Variants in NUP62CL observed in about 807,000 individuals in gnomAD.
NUP62CL encodes nucleoporin-62 C-terminal-like protein.
NUP62CL carries 13 observed loss-of-function variants against 15.3 expected under a neutral mutation model. The ratio of observed to expected loss-of-function variants is 0.85; its 90% CI spans 0.55 to 1.35. NUP62CL has a LOEUF of 1.35. Among genes scored for constraint, NUP62CL ranks in the 40% most tolerant of loss-of-function variants. The probability of loss-of-function intolerance (pLI) is 0.00; values close to 1 mark genes in which losing one functional copy is unlikely to be tolerated. For missense variants in NUP62CL, 123 were observed against 130.6 expected (o/e 0.94, Z 0.28); for synonymous variants, 54 against 49.2 (o/e 1.10, Z -0.41).
At chrX:107,180,061 A>G (rs1206550564) in intron 2 of NUP62CL, among the ~76,000 whole-genome samples, 1 of 112,020 alleles carries the variant, frequency 8.9e-6, no homozygotes, top group Admixed American at 9.5e-5. Context: ...AAGGTGTTCA[A>G]CCTCATTTTT....
intron 8 of NUP62CL, among the ~76,000 whole-genome samples, chrX:107,135,173 C>T (rs1925612077): frequency 2.7e-5 from 3 of 112,268 alleles, no homozygotes; most frequent in African/African-American, 9.7e-5. Context: ...GTATCAGAAT[C>T]CCATAATTTA....
chrX:107,152,031 AATATATATATATATTCAGAT>A (rs1180330586), intron 7 of NUP62CL, among the ~76,000 whole-genome samples: 12 of 70,121 alleles, frequency 1.7e-4, no homozygotes, highest in African/African-American at 8.0e-4. Flanking sequence ...CTTCATCTTG[AATATATATATATATTCAGAT>A]ATATATATAT....
intron 3 of NUP62CL, among the ~76,000 whole-genome samples, chrX:107,170,311 A>G (rs1009577318): frequency 9.0e-6 from 1 of 111,296 alleles, no homozygotes; most frequent in Non-Finnish European, 1.9e-5. Flanking sequence ...TTCTCTCTAG[A>G]GGGAGTGATA....
intron 3 of NUP62CL, 111 bp from the exon 4 acceptor site, chrX:107,167,895 C>T: frequency 8.8e-6 from 6 of 681,352 alleles, no homozygotes; most frequent in Non-Finnish European, 1.3e-5. Context: ...CAAATTTGAA[C>T]TCAAAGATGC....
chrX:107,191,335 T>C (rs369153667), intron 2 of NUP62CL, among the ~76,000 whole-genome samples: 101 of 108,346 alleles, frequency 9.3e-4, no homozygotes, highest in African/African-American at 3.3e-3. Context: ...CCTAATTTGA[T>C]CCACCTTAAG....
chrX:107,171,818 CAA>C (rs1795767897), intron 3 of NUP62CL, among the ~76,000 whole-genome samples: 1 of 110,236 alleles, frequency 9.1e-6, no homozygotes, highest in Non-Finnish European at 1.9e-5. Context: ...ACAGCATCAT[CAA>C]AGAGGCTGCC....
intron 8 of NUP62CL, chrX:107,131,560 A>G (rs1925516575): frequency 2.6e-6 from 1 of 384,351 alleles, no homozygotes; most frequent in Non-Finnish European, 4.6e-6. Flanking sequence ...AAATGCCTTA[A>G]AAGAGAATGT....
intron 1 of NUP62CL, among the ~76,000 whole-genome samples, chrX:107,194,480 T>C (rs891246380): frequency 1.8e-5 from 2 of 111,691 alleles, no homozygotes; most frequent in Admixed American, 9.6e-5. Context: ...AACTTATAAT[T>C]CTATCCCAGT....
chrX:107,177,194 T>C (rs1024199278), intron 2 of NUP62CL, among the ~76,000 whole-genome samples: 1 of 111,873 alleles, frequency 8.9e-6, no homozygotes, highest in South Asian at 3.7e-4. Context: ...TGAAAGAAAT[T>C]AAGAATATAA....
At chrX:107,145,687 C>A (rs763418171) in intron 8 of NUP62CL, among the ~76,000 whole-genome samples, 1 of 111,588 alleles carries the variant, frequency 9.0e-6, no homozygotes, top group Non-Finnish European at 1.9e-5. Context: ...ATTTAATATA[C>A]AGTCCATATT....
Position 107,153,452 on chromosome X carries a change from A to G in NUP62CL, c.395+2T>C. ...TTCAACCAAGGAAATCTAAGGTTCT[A>G]CCTTTTCTGATCCAGTTTCACTTTG... is the stretch of plus-strand genomic sequence containing the variant. On this transcript the variant is annotated splice_donor_variant, in intron 6 of 8. Coordinates refer to ENST00000372466, the MANE Select transcript of NUP62CL (RefSeq NM_017681.3). LOFTEE classifies it high-confidence loss of function. 8.6e-7 allele frequency: 1 copy of G among 1,159,216 alleles called. No individual in the cohort carries two copies. Among genetic ancestry groups the G allele is most frequent in the Non-Finnish European group, 1.2e-6 (1 of 868,684 alleles).
intron 4 of NUP62CL, among the ~76,000 whole-genome samples, chrX:107,161,821 TAA>T (rs1422113797): frequency 1.4e-5 from 1 of 72,518 alleles, no homozygotes; most frequent in African/African-American, 7.5e-5. Context: ...AAAAAAAATT[TAA>T]AAAAAATGAA....
At chrX:107,197,962 G>C (rs1301236446) in intron 1 of NUP62CL, among the ~76,000 whole-genome samples, 1 of 112,385 alleles carries the variant, frequency 8.9e-6, no homozygotes, top group Admixed American at 9.4e-5. Flanking sequence ...TTTATGTAAA[G>C]TGCTATGTGA....
At chrX:107,159,657 A>G (rs1280806256) in intron 4 of NUP62CL, among the ~76,000 whole-genome samples, 1 of 51,745 alleles carries the variant, frequency 1.9e-5, no homozygotes, top group East Asian at 6.6e-4. Context: ...ATCTATGACA[A>G]ACCCACAGCC....
chrX:107,187,599 C>T (rs1927098125), intron 2 of NUP62CL, among the ~76,000 whole-genome samples: 2 of 111,976 alleles, frequency 1.8e-5, no homozygotes, highest in African/African-American at 6.5e-5. Flanking sequence ...TGTTTTGCCA[C>T]GTTGGCCAGG....
chrX:107,202,854 T>A (rs1031377776), intron 1 of NUP62CL, among the ~76,000 whole-genome samples: 17 of 103,452 alleles, frequency 1.6e-4, no homozygotes, highest in Admixed American at 3.2e-4. Context: ...AAAAAAAAAA[T>A]TAGCCAGGTA....
intron 8 of NUP62CL, among the ~76,000 whole-genome samples, chrX:107,128,325 A>G (rs1304407630): frequency 2.7e-5 from 3 of 112,200 alleles, no homozygotes; most frequent in Non-Finnish European, 3.8e-5. Flanking sequence ...AGAATGTTTA[A>G]TAACATGGAA....
chrX:107,194,680 TG>T (rs1211662890), intron 1 of NUP62CL, among the ~76,000 whole-genome samples: 1 of 111,221 alleles, frequency 9.0e-6, no homozygotes, highest in Non-Finnish European at 1.9e-5. Context: ...AAATACTTTT[TG>T]AAAGAGCTCT....
Position 107,124,229 on chromosome X carries a change from T to C in NUP62CL, c.*146A>G, listed in dbSNP as rs1925333459. 1 of 336,373 alleles carries C rather than the reference T, an allele frequency of 3.0e-6. No homozygotes were observed. The highest frequency in any genetic ancestry group is 5.9e-6 in the Non-Finnish European group (1 of 168,781). The allele number at this position is 336,373 out of a possible 1,213,427, so 27.7% of individuals were successfully genotyped here. On this transcript the variant is annotated 3_prime_UTR_variant, in exon 9 of 9. Transcript: ENST00000372466. The stretch of plus-strand genomic sequence containing the variant: ...TAATCCAGAAACGACATGCTGAAGA[T>C]ATGGTCATTCACTAAAAAGCAGTGT...
Sources: allele counts gnomAD v4.1 joint callset (sites outside exome capture counted in the v4.1 genomes callset), GRCh38; gene constraint gnomAD v4.1.1; transcripts MANE v1.5; gene names NCBI Gene and HGNC (gene_info 2026-07-23, HGNC 2026-07-21).